Variants in ALLC observed in about 807,000 individuals in gnomAD.
ALLC encodes the protein allantoicase.
In ALLC, 40 loss-of-function variants were observed where a neutral mutation model predicts 45.0. The ratio of observed to expected loss-of-function variants is 0.89; its 90% CI spans 0.69 to 1.16. The LOEUF (loss-of-function observed/expected upper bound fraction) is 1.16, where lower values mean the gene tolerates loss of function less well. Among genes scored for constraint, ALLC ranks in the 50% most tolerant of loss-of-function variants. The probability of loss-of-function intolerance (pLI) is 0.00; values close to 1 mark genes in which losing one functional copy is unlikely to be tolerated. For synonymous variants in ALLC, 176 were observed against 178.1 expected, an observed-to-expected ratio of 0.99 and a Z score of 0.09; for missense variants, 488 against 493.1, an observed-to-expected ratio of 0.99 and a Z score of 0.10.
At chr2:3,667,298 G>GCACATC (rs1195723107) in intron 1 of ALLC, among the ~76,000 whole-genome samples, 2 of 152,352 alleles carry the variant, frequency 1.3e-5, no homozygotes, top group East Asian at 3.9e-4. Context: ...CCCCTCCACT[G>GCACATC]CACCACGAGC....
At chr2:3,668,093 C>T (rs1173462856) in intron 1 of ALLC, among the ~76,000 whole-genome samples, 1 of 152,160 alleles carries the variant, frequency 6.6e-6, no homozygotes, top group Non-Finnish European at 1.5e-5. Context: ...GAAGCAGTGA[C>T]ATGTATGCTC....
intron 10 of ALLC, among the ~76,000 whole-genome samples, chr2:3,699,739 T>C (rs1410704882): frequency 6.6e-6 from 1 of 152,254 alleles, no homozygotes; most frequent in African/African-American, 2.4e-5. Flanking sequence ...TTTGCATTTC[T>C]CTAATGATTA....
intron 5 of ALLC, among the ~76,000 whole-genome samples, chr2:3,681,414 A>G (rs2148007480): frequency 6.6e-6 from 1 of 152,318 alleles, no homozygotes; most frequent in South Asian, 2.1e-4. Flanking sequence ...TGACAAGCAA[A>G]TGTAGTATCA....
the ALLC span, among the ~76,000 whole-genome samples, chr2:3,651,755 G>T: frequency 6.6e-6 from 1 of 152,050 alleles, no homozygotes; most frequent in Non-Finnish European, 1.5e-5. Context: ...GTTTCTTCAG[G>T]GGCAGGACGA....
At chr2:3,652,873 C>T in the ALLC span, among the ~76,000 whole-genome samples, 3 of 152,208 alleles carry the variant, frequency 2.0e-5, no homozygotes, top group South Asian at 4.1e-4. Flanking sequence ...TGAGCCACCA[C>T]GCCTGGCCAA....
intron 7 of ALLC, among the ~76,000 whole-genome samples, chr2:3,692,464 C>T (rs1181352870): frequency 6.6e-6 from 1 of 152,216 alleles, no homozygotes; most frequent in Non-Finnish European, 1.5e-5. Flanking sequence ...ATAAGACCCA[C>T]TGCCCATGTG....
chr2:3,664,053 C>T (rs1666637008), intron 1 of ALLC, among the ~76,000 whole-genome samples: 1 of 152,246 alleles, frequency 6.6e-6, no homozygotes, highest in Admixed American at 6.5e-5. Flanking sequence ...CCACTGCCAG[C>T]ACCAAACCAT....
Position 3,697,475 on chromosome 2 carries a change from A to G in ALLC, c.850+19A>G. The G allele has an allele frequency of 6.3e-7, 1 of 1,586,324 alleles. No homozygotes were observed. Among genetic ancestry groups the G allele is most frequent in the Non-Finnish European group, 8.7e-7 (1 of 1,154,852 alleles). ...TTTGAAGGTAAATGCAAAGCCATAAAGAAGTACCCTATAATTGGTTTGTTT... is the reference window on the plus strand; with the variant it reads ...TTTGAAGGTAAATGCAAAGCCATAAGGAAGTACCCTATAATTGGTTTGTTT... On this transcript the variant is annotated intron_variant, in intron 10 of 11. Coordinates refer to ENST00000252505, the MANE Select transcript of ALLC (RefSeq NM_018436.4).
the ALLC span, among the ~76,000 whole-genome samples, chr2:3,649,399 G>A: frequency 1.5e-4 from 23 of 152,064 alleles, no homozygotes; most frequent in Admixed American, 4.6e-4. Context: ...CCGCCACCAC[G>A]TCCGGCTAAT....
chr2:3,701,691 A>G, intron 11 of ALLC, 55 bp downstream of exon 11: 1 of 1,542,274 alleles, frequency 6.5e-7, no homozygotes. Context: ...TTTCCCTAAG[A>G]TTCTCTTTTG....
chr2:3,676,902 C>T (rs1319631215), intron 3 of ALLC, among the ~76,000 whole-genome samples: 1 of 152,068 alleles, frequency 6.6e-6, no homozygotes, highest in Non-Finnish European at 1.5e-5. Context: ...ATTCTCCTGC[C>T]TCAGCCTCCC....
chr2:3,697,486 A>G, intron 10 of ALLC, 30 bp downstream of exon 10: 5 of 1,571,284 alleles, frequency 3.2e-6, no homozygotes, highest in Non-Finnish European at 4.4e-6. Flanking sequence ...GAAGTACCCT[A>G]TAATTGGTTT....
intron 1 of ALLC, among the ~76,000 whole-genome samples, chr2:3,667,092 T>C (rs1363614200): frequency 1.3e-5 from 2 of 152,204 alleles, no homozygotes; most frequent in East Asian, 1.9e-4. Context: ...CCCTGGATCA[T>C]TGGCCTCCCT....
At chr2:3,652,184 A>C in the ALLC span, among the ~76,000 whole-genome samples, 1 of 152,218 alleles carries the variant, frequency 6.6e-6, no homozygotes, top group Non-Finnish European at 1.5e-5. Flanking sequence ...CACGACCTGC[A>C]AGGGCCCCTC....
At chr2:3,673,569 T>C (rs973670714) in intron 2 of ALLC, among the ~76,000 whole-genome samples, 1 of 152,232 alleles carries the variant, frequency 6.6e-6, no homozygotes, top group Non-Finnish European at 1.5e-5. Context: ...CAGGAAAATC[T>C]GATTTACCTT....
chr2:3,683,039 A>G lies in ALLC; in HGVS notation c.476A>G (p.Gln159Arg). Residue 159 changes from glutamine (Q) to arginine (R), a missense_variant, in exon 7 of 12, where the codon CAG (glutamine) becomes CGG (arginine). Gln to Arg is a conservative substitution (Grantham distance 43). Transcript: ENST00000252505. ...GHNYFLVNSQ[Q>R]RWTHIRLNIF... ...AACTATTTTCTTGTCAATTCCCAGC[A>G]GAGATGGACTCATATCAGACTCAAC... 1 of 1,614,038 alleles carries G rather than the reference A, an allele frequency of 6.2e-7. No individual in the cohort carries two copies. Among genetic ancestry groups the G allele is most frequent in the East Asian group, 2.2e-5 (1 of 44,884 alleles).
In ALLC at chr2:3,680,019, A is replaced by C. The variant is rs1160118395; in HGVS notation, c.298+25A>C. 4.3e-6 allele frequency: 7 copies of C among 1,612,970 alleles called. No homozygotes were observed. The highest frequency in any genetic ancestry group is 5.9e-6 in the Non-Finnish European group (7 of 1,179,114). ...GGTGCGTTAGGAACCACTGTCCCCA[A>C]AATGAGAATTATGGGTCACATGGCT... is the stretch of plus-strand genomic sequence containing the variant. On this transcript the variant is annotated intron_variant, in intron 5 of 11. Transcript: ENST00000252505. The surrounding 1 kb of genome is among the most constrained non-coding windows in gnomAD (Gnocchi z 4.0).
chr2:3,671,775 C>A (rs1324248854), intron 2 of ALLC, among the ~76,000 whole-genome samples: 2 of 144,926 alleles, frequency 1.4e-5, no homozygotes, highest in African/African-American at 5.2e-5. Flanking sequence ...TCCTCTGGCT[C>A]TGGTTAGATG....
intron 3 of ALLC, 113 bp downstream of exon 3, chr2:3,674,238 C>A: frequency 4.0e-6 from 3 of 757,866 alleles, no homozygotes; most frequent in Non-Finnish European, 6.7e-6. Flanking sequence ...TGTACACTGG[C>A]AAATTAGCAT....
Sources: allele counts gnomAD v4.1 joint callset (sites outside exome capture counted in the v4.1 genomes callset), GRCh38; gene constraint gnomAD v4.1.1; non-coding constraint Gnocchi (gnomAD v3.1); transcripts MANE v1.5; gene names NCBI Gene and HGNC (gene_info 2026-07-23, HGNC 2026-07-21).